UIMC1: variants seen among roughly 807,000 people sequenced by gnomAD.
UIMC1 encodes the protein ubiquitin interaction motif containing 1, also known as BRCA1-A complex subunit RAP80.
UIMC1 carries 42 observed loss-of-function variants against 84.9 expected under a neutral mutation model. The observed-to-expected ratio is 0.49, with a 90% CI of 0.39 to 0.64. The LOEUF is 0.64. Among genes scored for constraint, UIMC1 ranks in the 30% least tolerant of loss-of-function variants. The pLI, the probability that UIMC1 is intolerant of heterozygous loss-of-function variation, is 0.00. For missense variants in UIMC1, 825 were observed against 847.6 expected (o/e 0.97, Z 0.33); for synonymous variants, 281 against 293.0 (o/e 0.96, Z 0.42).
At position 176,962,452 on chromosome 5, in the gene UIMC1, G is replaced by C. The variant is rs1224941217; in HGVS notation, c.1201-4298C>G. On this transcript the variant is annotated intron_variant, in intron 6 of 14. Coordinates refer to ENST00000511320, the MANE Select transcript of UIMC1 (RefSeq NM_001199298.2). ...AGTGAGGAGCCCCTCTGCCTGGCCAGCCGCCCCGTCCGGGAGGGAGGTGGG... is the reference window on the plus strand; with the variant it reads ...AGTGAGGAGCCCCTCTGCCTGGCCACCCGCCCCGTCCGGGAGGGAGGTGGG... 6.8e-3 allele frequency among the ~76,000 whole-genome samples: 470 copies of C among 69,250 alleles called. 1 individual carries two copies. The highest frequency in any genetic ancestry group is 0.011 in the Non-Finnish European group (381 of 36,090). 45.4% of individuals were successfully genotyped at this position (69,250 alleles called of 152,430 possible).
At chr5:177,020,356 C>T (rs1040662307) in intron 1 of UIMC1, among the ~76,000 whole-genome samples, 5 of 152,206 alleles carry the variant, frequency 3.3e-5, no homozygotes, top group African/African-American at 9.6e-5. Context: ...CTGATGCCAC[C>T]CTGATTAATG....
intron 10 of UIMC1, among the ~76,000 whole-genome samples, chr5:176,942,186 A>G (rs1323340159): frequency 6.6e-6 from 1 of 152,174 alleles, no homozygotes; most frequent in Non-Finnish European, 1.5e-5. Context: ...TCGGTAACTC[A>G]GCAGAGATAT....
At chr5:176,977,291 C>A (rs1770257378) in intron 2 of UIMC1, among the ~76,000 whole-genome samples, 1 of 147,842 alleles carries the variant, frequency 6.8e-6, no homozygotes, top group Non-Finnish European at 1.5e-5. Flanking sequence ...AAGACTTCAA[C>A]AGCCTCCTCA....
intron 1 of UIMC1, among the ~76,000 whole-genome samples, chr5:176,984,638 T>C (rs1057463700): frequency 1.5e-4 from 23 of 150,112 alleles, no homozygotes; most frequent in Admixed American, 2.7e-4. Context: ...GATGGCGGTT[T>C]TGTCAAAAAG....
chr5:176,977,582 C>CAAAAAAA (rs1270486136), intron 2 of UIMC1, among the ~76,000 whole-genome samples: 3 of 47,790 alleles, frequency 6.3e-5, no homozygotes, highest in Admixed American at 3.0e-4. Context: ...GACTCCATCT[C>CAAAAAAA]AAAAAAAAAA....
At chr5:176,935,141 T>C (rs1450390920) in intron 10 of UIMC1, among the ~76,000 whole-genome samples, 2 of 152,106 alleles carry the variant, frequency 1.3e-5, no homozygotes, top group Middle Eastern at 3.2e-3. Context: ...TGTTCCATAA[T>C]GTAGACCCAC....
intron 11 of UIMC1, 151 bp downstream of exon 11, chr5:176,911,160 G>A: frequency 3.7e-6 from 1 of 271,036 alleles, no homozygotes; most frequent in Non-Finnish European, 6.2e-6. Context: ...GAAAAGAAAA[G>A]AAAAGAAAAG....
At position 176,969,241 on chromosome 5, in the gene UIMC1, G is replaced by A. The variant is rs1400696137; in HGVS notation, c.514C>T (p.Gln172Ter). The A allele has an allele frequency of 6.2e-7, 1 of 1,614,176 alleles. No individual in the cohort carries two copies. Among genetic ancestry groups the A allele is most frequent in the South Asian group, 1.1e-5 (1 of 91,090 alleles). ...PSLFKGSHIS[Q>*]GNEAEEREEP... ...TCTCTTTCCTCAGCCTCGTTTCCCT[G>A]ACTGATATGTGAGCCTTTAAACAGT... Residue 172 changes from glutamine to a stop codon, truncating the protein, a stop_gained, in exon 6 of 15, where the codon CAG (glutamine) becomes TAG (stop). Coordinates refer to ENST00000511320, the MANE Select transcript of UIMC1 (RefSeq NM_001199298.2). LOFTEE classifies it high-confidence loss of function.
At chr5:176,980,193 G>A (rs1336094027) in intron 2 of UIMC1, 3 of 152,170 alleles carry the variant, frequency 2.0e-5, no homozygotes, top group African/African-American at 7.2e-5. Context: ...CTTGCAAATA[G>A]ACTATTGTGG....
chr5:176,905,560 G>C, intron 14 of UIMC1, 68 bp from the exon 15 acceptor site: 1 of 1,396,482 alleles, frequency 7.2e-7, no homozygotes, highest in East Asian at 2.3e-5. Context: ...GCTATGCACT[G>C]TATCAGGGGA....
chr5:176,956,134 C>G, intron 7 of UIMC1, 99 bp from the exon 8 acceptor site: 1 of 1,101,828 alleles, frequency 9.1e-7, no homozygotes, highest in African/African-American at 1.6e-5. Flanking sequence ...CAGGTAATCA[C>G]AGATACTTGC....
chr5:177,000,218 T>C (rs1774244524), intron 1 of UIMC1, among the ~76,000 whole-genome samples: 1 of 152,182 alleles, frequency 6.6e-6, no homozygotes, highest in Non-Finnish European at 1.5e-5. Context: ...CCTCCCAAAG[T>C]GCTGGGATTA....
At chr5:176,915,793 C>CAAAAAAAAAAAAAAAAAAAAAA (rs58297107) in intron 10 of UIMC1, among the ~76,000 whole-genome samples, 2 of 42,664 alleles carry the variant, frequency 4.7e-5, no homozygotes, top group African/African-American at 8.8e-5. Context: ...GGTCACAAAG[C>CAAAAAAAAAAAAAAAAAAAAAA]AAAAAAAAAA....
intron 6 of UIMC1, among the ~76,000 whole-genome samples, chr5:176,959,020 A>T (rs924187747): frequency 6.6e-6 from 1 of 152,256 alleles, no homozygotes; most frequent in Non-Finnish European, 1.5e-5. Context: ...CAAGTTAGGC[A>T]TCTCTTTATG....
At chr5:176,920,251 C>T (rs1402472789) in intron 10 of UIMC1, among the ~76,000 whole-genome samples, 1 of 152,062 alleles carries the variant, frequency 6.6e-6, no homozygotes, top group African/African-American at 2.4e-5. Context: ...TAGTCTCGAA[C>T]TCCTGACCTC....
upstream of UIMC1, among the ~76,000 whole-genome samples, chr5:177,011,326 G>C (rs1415586815): frequency 2.0e-5 from 3 of 152,072 alleles, no homozygotes; most frequent in African/African-American, 7.2e-5. Flanking sequence ...GATTACTTGA[G>C]CCCAGGAGTT....
At chr5:176,923,745 T>C (rs907442968) in intron 10 of UIMC1, among the ~76,000 whole-genome samples, 2 of 150,236 alleles carry the variant, frequency 1.3e-5, no homozygotes, top group African/African-American at 4.9e-5. Flanking sequence ...GTGCCTATAA[T>C]CCCAGCTACT....
At chr5:177,001,659 C>T (rs1292817535) in intron 1 of UIMC1, among the ~76,000 whole-genome samples, 1 of 151,936 alleles carries the variant, frequency 6.6e-6, no homozygotes, top group African/African-American at 2.4e-5. Flanking sequence ...AAACTGAGGG[C>T]CAGGTGCAGT....
intron 6 of UIMC1, among the ~76,000 whole-genome samples, chr5:176,964,479 G>A (rs942218365): frequency 6.6e-6 from 1 of 152,106 alleles, no homozygotes; most frequent in Non-Finnish European, 1.5e-5. Flanking sequence ...GTACACTGAT[G>A]AGGAATAAAG....
Sources: allele counts gnomAD v4.1 joint callset (sites outside exome capture counted in the v4.1 genomes callset), GRCh38; gene constraint gnomAD v4.1.1; transcripts MANE v1.5; gene names NCBI Gene and HGNC (gene_info 2026-07-23, HGNC 2026-07-21).